HDAC9: variants seen among roughly 807,000 people sequenced by gnomAD.
HDAC9 encodes MEF-2 interacting transcription repressor (MITR) protein.
A neutral mutation model predicts 139.4 loss-of-function variants in HDAC9; 41 were observed. That is an observed-to-expected ratio of 0.29 (90% CI 0.23 to 0.38). The LOEUF is 0.38. Among genes scored for constraint, HDAC9 ranks in the 10% least tolerant of loss-of-function variants. The pLI is 1.00. For missense variants in HDAC9, 1,147 were observed against 1,297.0 expected (o/e 0.88, Z 1.78); for synonymous variants, 517 against 476.2 (o/e 1.09, Z -1.12).
At chr7:18,162,279 A>C (rs539854889) in exon 2 of HDAC9, 1 of 1,527,942 alleles carries the variant, frequency 6.5e-7, no homozygotes, top group African/African-American at 1.4e-5. Flanking sequence ...TTGAACGACA[A>C]AGGCTGTGAA....
intron 16 of HDAC9, among the ~76,000 whole-genome samples, chr7:18,771,873 C>A (rs1790326904): frequency 6.6e-6 from 1 of 152,104 alleles, no homozygotes; most frequent in Non-Finnish European, 1.5e-5. Flanking sequence ...TTAGGATGGT[C>A]ATCTTTGAAA....
chr7:18,244,489 A>G (rs1463893993), intron 2 of HDAC9, among the ~76,000 whole-genome samples: 2 of 152,204 alleles, frequency 1.3e-5, no homozygotes, highest in Non-Finnish European at 1.5e-5. Flanking sequence ...CTGAGCTTAC[A>G]GATTGGTATT....
At chr7:18,422,030 G>C (rs1174181351) in intron 1 of HDAC9, among the ~76,000 whole-genome samples, 1 of 152,108 alleles carries the variant, frequency 6.6e-6, no homozygotes, top group Non-Finnish European at 1.5e-5. Flanking sequence ...GTGTTTTCTT[G>C]CTGTGCCTAA....
In HDAC9 at chr7:18,996,960, T is replaced by C. The variant is rs1194692346; in HGVS notation, c.*898T>C. ...TCAAAGGTGGTCTTAATTTGTTGCA[T>C]ATCTATCAAGGACTTATTCACTCAC... On this transcript the variant is annotated 3_prime_UTR_variant, in exon 26 of 26. Transcript: ENST00000686413. 6.6e-6 allele frequency: 1 copy of C among 152,234 alleles called. No individual in the cohort carries two copies. The highest frequency in any genetic ancestry group is 6.5e-5 in the Admixed American group (1 of 15,276). The allele number at this position is 152,234 out of a possible 1,614,324, so 9.4% of individuals were successfully genotyped here.
intron 1 of HDAC9, among the ~76,000 whole-genome samples, chr7:18,113,167 G>C (rs1049338130): frequency 7.9e-5 from 12 of 152,156 alleles, no homozygotes; most frequent in African/African-American, 2.9e-4. Flanking sequence ...ACGTACATCA[G>C]TGAATTGTAA....
intron 2 of HDAC9, among the ~76,000 whole-genome samples, chr7:18,579,862 A>G (rs1056001851): frequency 2.0e-5 from 3 of 152,086 alleles, no homozygotes; most frequent in Admixed American, 1.3e-4. Flanking sequence ...GAGAAGGGCC[A>G]TATGGTTGTA....
chr7:18,681,351 C>A (rs1226143028), intron 12 of HDAC9, among the ~76,000 whole-genome samples: 1 of 151,912 alleles, frequency 6.6e-6, no homozygotes, highest in Non-Finnish European at 1.5e-5. Flanking sequence ...ATATTTTAGC[C>A]TTTCTTTTAA....
chr7:18,595,412 A>G (rs1453066672), intron 6 of HDAC9, among the ~76,000 whole-genome samples: 1 of 152,070 alleles, frequency 6.6e-6, no homozygotes, highest in African/African-American at 2.4e-5. Flanking sequence ...TGTTATTTCT[A>G]AAACATGAGT....
At chr7:18,608,290 G>A (rs1196234929) in intron 6 of HDAC9, among the ~76,000 whole-genome samples, 1 of 152,054 alleles carries the variant, frequency 6.6e-6, no homozygotes, top group Non-Finnish European at 1.5e-5. Context: ...AGAGAGGAGT[G>A]GGAGGGGAGG....
chr7:18,673,636 T>C (rs1015407), intron 12 of HDAC9, among the ~76,000 whole-genome samples: 38,663 of 151,942 alleles, frequency 0.25, 5,589 homozygotes, highest in East Asian at 0.51. Flanking sequence ...CATTTGTGAC[T>C]CACATATTTT....
At chr7:18,172,095 G>C (rs1222218485) in intron 2 of HDAC9, among the ~76,000 whole-genome samples, 2 of 152,124 alleles carry the variant, frequency 1.3e-5, no homozygotes, top group Non-Finnish European at 2.9e-5. Context: ...TGGTTGGTAG[G>C]CTGTTAATTA....
rs550960318 is a variant in HDAC9, at chr7:18,990,154, T to C, written c.3171-5869T>C. ...TCTGCGTTTTAGAGTTTCCAGTTTT[T>C]CTGCTCTGTTTTTTCCCCATCTTTG... On this transcript the variant is annotated intron_variant, in intron 25 of 25. Transcript: ENST00000686413. Among the ~76,000 whole-genome samples, 282 of 152,304 alleles carry C rather than the reference T, an allele frequency of 1.9e-3. 1 individual carries two copies. Among genetic ancestry groups the C allele is most frequent in the African/African-American group, 6.6e-3 (275 of 41,564 alleles).
At chr7:18,390,220 A>G (rs1383092933) in intron 1 of HDAC9, among the ~76,000 whole-genome samples, 1 of 152,070 alleles carries the variant, frequency 6.6e-6, no homozygotes, top group Non-Finnish European at 1.5e-5. Flanking sequence ...TTTAAAAGTA[A>G]TTCTCGGATA....
intron 1 of HDAC9, among the ~76,000 whole-genome samples, chr7:18,444,289 T>C (rs1051193058): frequency 3.7e-5 from 5 of 134,968 alleles, no homozygotes; most frequent in African/African-American, 1.4e-4. Flanking sequence ...CAGTAAGCCA[T>C]GATCATGCCA....
At chr7:18,686,786 A>G (rs745868991) in intron 12 of HDAC9, among the ~76,000 whole-genome samples, 1 of 151,898 alleles carries the variant, frequency 6.6e-6, no homozygotes, top group Non-Finnish European at 1.5e-5. Context: ...CACTATGTTT[A>G]AAAGAATGGT....
rs1785668977 is a variant in HDAC9 at position 18,727,726 on chromosome 7, G to A, written c.1878G>A (p.Met626Ile). The change falls in exon 13 of 26, where the codon ATG (methionine) becomes ATA (isoleucine). Residue 626 changes from methionine to isoleucine, a missense_variant. By Grantham distance (10) the Met-to-Ile change is conservative. Coordinates refer to ENST00000686413, the MANE Select transcript of HDAC9 (RefSeq NM_178425.4). ...CCTCTGTTTTACCTCACCCAGCAAT[G>A]GACCGCCCCCTCCAGCCTGGCTCTG... ...PAASVLPHPA[M>I]DRPLQPGSAT... 1 of 1,557,992 alleles carries A rather than the reference G, an allele frequency of 6.4e-7. No homozygotes were observed. Among genetic ancestry groups the A allele is most frequent in the African/African-American group, 1.4e-5 (1 of 71,500 alleles).
At chr7:18,773,840 G>C (rs1236801599) in intron 16 of HDAC9, among the ~76,000 whole-genome samples, 2 of 152,004 alleles carry the variant, frequency 1.3e-5, no homozygotes, top group African/African-American at 4.8e-5. Context: ...ACTCCGAATA[G>C]TTAGTTCCAG....
In HDAC9 at chr7:18,236,936, G is replaced by T. The variant is rs181691034; in HGVS notation, c.25+74587G>T. Reference sequence around the variant, plus strand: ...CATCATGGTCTCAACTAGTGCTACCGACTCATCCCAGTTGGCTTGAGACTT... The same window carrying T: ...CATCATGGTCTCAACTAGTGCTACCTACTCATCCCAGTTGGCTTGAGACTT... On this transcript the variant is annotated intron_variant, in intron 2 of 12. Transcript: ENST00000417496. Among the ~76,000 whole-genome samples the T allele has an allele frequency of 4.6e-3, 697 of 152,238 alleles. 4 individuals carry two copies. Among genetic ancestry groups the T allele is most frequent in the Non-Finnish European group, 4.0e-3 (271 of 68,018 alleles).
intron 14 of HDAC9, among the ~76,000 whole-genome samples, chr7:18,749,715 C>T (rs1285165101): frequency 1.3e-5 from 2 of 152,034 alleles, no homozygotes; most frequent in East Asian, 1.9e-4. Context: ...CCTTTTTATG[C>T]TTTCAAAGGT....
Sources: allele counts gnomAD v4.1 joint callset (sites outside exome capture counted in the v4.1 genomes callset), GRCh38; gene constraint gnomAD v4.1.1; transcripts MANE v1.5; gene names NCBI Gene and HGNC (gene_info 2026-07-23, HGNC 2026-07-21).